HECW1: variants seen among roughly 807,000 people sequenced by gnomAD.
HECW1 encodes HECT, C2 and WW domain containing E3 ubiquitin protein ligase 1, also known as E3 ubiquitin-protein ligase HECW1.
Under a neutral mutation model 182.3 loss-of-function variants are expected in HECW1, and 61 were observed. The observed-to-expected ratio is 0.33, with a 90% CI of 0.27 to 0.41. The LOEUF is 0.41. Ranked by LOEUF, HECW1 falls within the 10% of genes least tolerant of loss-of-function variation. The pLI is 1.00. For synonymous variants in HECW1, 859 were observed against 832.6 expected, an observed-to-expected ratio of 1.03 and a Z score of -0.55; for missense variants, 1,739 against 2,108.9, an observed-to-expected ratio of 0.82 and a Z score of 3.44.
chr7:43,418,070 T>G (rs1462298647), intron 8 of HECW1, among the ~76,000 whole-genome samples: 1 of 152,196 alleles, frequency 6.6e-6, no homozygotes, highest in East Asian at 1.9e-4. Flanking sequence ...TAGGCAATTC[T>G]TGGCATTCTT....
intron 3 of HECW1, among the ~76,000 whole-genome samples, chr7:43,259,911 G>C (rs1207796163): frequency 6.6e-6 from 1 of 152,152 alleles, no homozygotes; most frequent in African/African-American, 2.4e-5. Flanking sequence ...AGAAATAACA[G>C]CTGAAATATA....
chr7:43,505,164 T>C (rs1055976602), intron 21 of HECW1, among the ~76,000 whole-genome samples: 13 of 152,166 alleles, frequency 8.5e-5, no homozygotes, highest in African/African-American at 2.9e-4. Context: ...ACAAAGGGAC[T>C]ATCATCAAAG....
At chr7:43,354,737 T>G (rs912715816) in intron 5 of HECW1, among the ~76,000 whole-genome samples, 2 of 152,036 alleles carry the variant, frequency 1.3e-5, no homozygotes, top group African/African-American at 4.8e-5. Flanking sequence ...AGGAGAAAAT[T>G]TATTCAAAGA....
Position 43,316,409 on chromosome 7 carries a change from G to T in HECW1, c.353-4226G>T, listed in dbSNP as rs74499953. 1.9e-3 allele frequency among the ~76,000 whole-genome samples: 283 copies of T among 152,202 alleles called. 5 individuals are homozygous for T. The East Asian group carries it at 0.051, about 28-fold the overall frequency. On this transcript the variant is annotated intron_variant, in intron 4 of 29. Coordinates refer to ENST00000395891, the MANE Select transcript of HECW1 (RefSeq NM_015052.5). ...ATTTGCAATAGAGGGCCCTATTTTTGGCCCAGATTCTAAGCAGAAATAGCT... is the reference window on the plus strand; with the variant it reads ...ATTTGCAATAGAGGGCCCTATTTTTTGCCCAGATTCTAAGCAGAAATAGCT...
chr7:43,524,118 C>T lies in HECW1; in HGVS notation c.4019+14997C>T, dbSNP rs141905511. Among the ~76,000 whole-genome samples, 333 of 152,264 alleles carry T rather than the reference C, an allele frequency of 2.2e-3. 1 individual carries two copies. Among genetic ancestry groups the T allele is most frequent in the African/African-American group, 7.9e-3 (328 of 41,548 alleles). On this transcript the variant is annotated intron_variant, in intron 24 of 29. Coordinates refer to ENST00000395891, the MANE Select transcript of HECW1 (RefSeq NM_015052.5). ...AACCCACCCCATAGAGTCTGATCTC[C>T]AGGTACCTAGATCTTAACAAACACC...
intron 6 of HECW1, among the ~76,000 whole-genome samples, chr7:43,361,710 G>T (rs755732076): frequency 6.6e-6 from 1 of 151,908 alleles, no homozygotes; most frequent in Non-Finnish European, 1.5e-5. Context: ...CTGAGAAATG[G>T]CATTCCTTTT....
intron 8 of HECW1, among the ~76,000 whole-genome samples, chr7:43,429,463 T>C (rs2076475464): frequency 6.6e-6 from 1 of 151,686 alleles, no homozygotes; most frequent in South Asian, 2.1e-4. Context: ...ATGACCAGAC[T>C]CCAAGGGCAC....
At chr7:43,375,961 AT>A (rs1191271512) in intron 6 of HECW1, among the ~76,000 whole-genome samples, 1 of 150,546 alleles carries the variant, frequency 6.6e-6, no homozygotes, top group Non-Finnish European at 1.5e-5. Context: ...TAACATTTGA[AT>A]GAAAAAGGCA....
chr7:43,556,571 C>G (rs1256237991), intron 29 of HECW1, among the ~76,000 whole-genome samples: 1 of 151,922 alleles, frequency 6.6e-6, no homozygotes, highest in African/African-American at 2.4e-5. Context: ...ACCGGTAGTC[C>G]CAGCTATTTG....
intron 5 of HECW1, among the ~76,000 whole-genome samples, chr7:43,329,682 G>A (rs1305558050): frequency 3.9e-5 from 6 of 152,194 alleles, no homozygotes; most frequent in Non-Finnish European, 7.3e-5. Flanking sequence ...GTGTCTGTGG[G>A]CTGGAAAGAT....
At chr7:43,300,230 G>A (rs1201823822) in intron 3 of HECW1, among the ~76,000 whole-genome samples, 1 of 152,148 alleles carries the variant, frequency 6.6e-6, no homozygotes, top group Admixed American at 6.5e-5. Flanking sequence ...TCTTCCAATA[G>A]GAATCTCTTG....
intron 16 of HECW1, 139 bp from the exon 17 acceptor site, chr7:43,479,471 A>G (rs1243421180): frequency 1.6e-5 from 17 of 1,048,438 alleles, no homozygotes; most frequent in Non-Finnish European, 2.4e-5. Flanking sequence ...TGAGTAGATT[A>G]AAAAAGGAAG....
intron 24 of HECW1, among the ~76,000 whole-genome samples, chr7:43,521,337 T>C (rs1281620894): frequency 1.3e-5 from 2 of 152,170 alleles, no homozygotes; most frequent in East Asian, 3.9e-4. Flanking sequence ...CAAAAATGTT[T>C]CCAGACATTG....
chr7:43,357,571 GGAA>G (rs1344880665), intron 5 of HECW1, among the ~76,000 whole-genome samples: 1 of 152,002 alleles, frequency 6.6e-6, no homozygotes, highest in African/African-American at 2.4e-5. Context: ...AAAGGTAGAA[GGAA>G]GAAGAAGATG....
At chr7:43,556,136 G>A (rs144695602) in intron 29 of HECW1, among the ~76,000 whole-genome samples, 11 of 152,296 alleles carry the variant, frequency 7.2e-5, no homozygotes, top group Middle Eastern at 3.4e-3. Flanking sequence ...AGCGTGCTGC[G>A]AGAGTGTGAA....
chr7:43,216,675 CT>C (rs1796472222), intron 2 of HECW1, among the ~76,000 whole-genome samples: 1 of 145,762 alleles, frequency 6.9e-6, no homozygotes. Flanking sequence ...TTTTTTTTTT[CT>C]GAGAGTCTTG....
rs192622549 is a variant in HECW1, at chr7:43,453,468, T to G, written c.2500+2539T>G. 1.4e-4 allele frequency among the ~76,000 whole-genome samples: 21 copies of G among 152,204 alleles called. No individual in the cohort carries two copies. The East Asian group carries it at 3.9e-3, about 28-fold the overall frequency. On this transcript the variant is annotated intron_variant, in intron 12 of 29. Transcript: ENST00000395891. ...GCAGAGCAGGTTTTGATGGGAAGGA[T>G]CCAACACTTGGTTTCGATCATCCTG...
At chr7:43,169,403 C>T (rs890551520) in intron 2 of HECW1, among the ~76,000 whole-genome samples, 1 of 152,166 alleles carries the variant, frequency 6.6e-6, no homozygotes, top group African/African-American at 2.4e-5. Flanking sequence ...CACCCCTCAC[C>T]CTTTCTACTG....
chr7:43,444,909 AGAG>A lies in HECW1; in HGVS notation c.1746_1748del (p.Glu582del), dbSNP rs769499627. ...CCTCCGCCCAGGGCGGCAGCGCGGC[AGAG>A]GAGGAGGACGGCGCGGAGGAGGAGT... is the stretch of plus-strand genomic sequence containing the variant. On this transcript the variant is annotated inframe_deletion, in exon 11 of 30. Transcript: ENST00000395891. This position sits in a 1 kb window ranked among gnomAD's most constrained non-coding sequence, Gnocchi z 4.3. The A allele has an allele frequency of 1.9e-6, 3 of 1,601,740 alleles. No homozygotes were observed. Among genetic ancestry groups the A allele is most frequent in the South Asian group, 2.2e-5 (2 of 89,648 alleles).
Sources: gnomAD v4.1 joint callset for allele counts (sites outside exome capture counted in the v4.1 genomes callset) on GRCh38, gnomAD v4.1.1 for gene constraint, Gnocchi (gnomAD v3.1) non-coding constraint, MANE v1.5 for transcripts, NCBI Gene and HGNC (gene_info 2026-07-23, HGNC 2026-07-21) for gene names.